GUCY1A2: variants seen among roughly 807,000 people sequenced by gnomAD.
GUCY1A2 encodes guanylate cyclase 1 soluble subunit alpha 2.
In GUCY1A2, 27 loss-of-function variants were observed where a neutral mutation model predicts 63.5. The observed-to-expected ratio is 0.43, with a 90% CI of 0.31 to 0.59. The LOEUF is 0.59. GUCY1A2 is among the 20% of genes least tolerant of loss of function. The pLI is 0.11. For synonymous variants in GUCY1A2, 364 were observed against 343.5 expected, an observed-to-expected ratio of 1.06 and a Z score of -0.66; for missense variants, 768 against 913.3, an observed-to-expected ratio of 0.84 and a Z score of 2.05.
chr11:106,733,989 C>T (rs1457860557), intron 6 of GUCY1A2, among the ~76,000 whole-genome samples: 2 of 152,118 alleles, frequency 1.3e-5, no homozygotes, highest in Non-Finnish European at 2.9e-5. Flanking sequence ...TGGTTAGTCA[C>T]AGTGTATGAC....
At chr11:106,961,575 A>G (rs1367465636) in intron 3 of GUCY1A2, among the ~76,000 whole-genome samples, 2 of 152,240 alleles carry the variant, frequency 1.3e-5, no homozygotes, top group Non-Finnish European at 2.9e-5. Context: ...AAAAGATATT[A>G]CAAAGCTATA....
At chr11:106,902,232 G>T (rs940602411) in intron 4 of GUCY1A2, among the ~76,000 whole-genome samples, 2 of 152,158 alleles carry the variant, frequency 1.3e-5, no homozygotes, top group African/African-American at 4.8e-5. Context: ...TTACTGAGCG[G>T]TAAGTCTTAA....
intron 1 of GUCY1A2, among the ~76,000 whole-genome samples, chr11:107,008,254 G>C (rs764544828): frequency 3.3e-4 from 48 of 144,846 alleles, no homozygotes; most frequent in Non-Finnish European, 6.8e-4. Context: ...ACTCCAGCTT[G>C]GGCGACAGAG....
chr11:106,755,442 G>T (rs1168501370), intron 6 of GUCY1A2, among the ~76,000 whole-genome samples: 2 of 152,024 alleles, frequency 1.3e-5, no homozygotes, highest in East Asian at 1.9e-4. Context: ...TGATGTTAGG[G>T]TGTCGATTTT....
At chr11:106,857,841 T>G (rs1859458454) in intron 4 of GUCY1A2, among the ~76,000 whole-genome samples, 1 of 152,230 alleles carries the variant, frequency 6.6e-6, no homozygotes, top group South Asian at 2.1e-4. Context: ...CACGAGGATA[T>G]GCATATGTTA....
At chr11:106,838,893 T>C (rs1367050175) in intron 4 of GUCY1A2, among the ~76,000 whole-genome samples, 6 of 151,998 alleles carry the variant, frequency 3.9e-5, no homozygotes, top group Non-Finnish European at 7.4e-5. Flanking sequence ...GTCAGATGAG[T>C]AGATTGCAAA....
At chr11:106,752,451 G>A (rs1287408476) in intron 6 of GUCY1A2, among the ~76,000 whole-genome samples, 1 of 152,066 alleles carries the variant, frequency 6.6e-6, no homozygotes, top group African/African-American at 2.4e-5. Flanking sequence ...TGCCATGTTG[G>A]TGTGCTGCAC....
At chr11:106,746,469 T>G (rs1171168519) in intron 6 of GUCY1A2, 3 of 697,788 alleles carry the variant, frequency 4.3e-6, no homozygotes, top group Non-Finnish European at 7.4e-6. Context: ...TGAATAAGGA[T>G]TATACTCAAG....
intron 5 of GUCY1A2, among the ~76,000 whole-genome samples, chr11:106,780,787 G>A (rs79225997): frequency 6.6e-6 from 1 of 152,092 alleles, no homozygotes; most frequent in Non-Finnish European, 1.5e-5. Context: ...ATTAAGTAAA[G>A]TGTATGTAAT....
intron 5 of GUCY1A2, among the ~76,000 whole-genome samples, chr11:106,803,657 A>G (rs1858641108): frequency 6.6e-6 from 1 of 152,206 alleles, no homozygotes; most frequent in African/African-American, 2.4e-5. Flanking sequence ...CTTTACATAA[A>G]TCTCATTTAA....
Position 106,676,072 on chromosome 11 carries a change from C to T in GUCY1A2, c.*11477G>A, listed in dbSNP as rs954909186. On this transcript the variant is annotated 3_prime_UTR_variant, in exon 8 of 8. Coordinates refer to ENST00000526355, the MANE Select transcript of GUCY1A2 (RefSeq NM_000855.3). ...CTGTATAATTTTCTATTAACACAAA[C>T]TTATGTCATGAAGATAATTAAGTGG... The T allele has an allele frequency of 5.5e-6, 1 of 182,894 alleles. No individual in the cohort carries two copies. Among genetic ancestry groups the T allele is most frequent in the Non-Finnish European group, 1.2e-5 (1 of 85,936 alleles). 11.3% of individuals were successfully genotyped at this position (182,894 alleles called of 1,614,324 possible). A position where few individuals can be genotyped will look rare whatever the true frequency, so the allele number is the denominator to read the frequency against.
chr11:106,721,495 C>T (rs1164755783), intron 6 of GUCY1A2, among the ~76,000 whole-genome samples: 1 of 152,076 alleles, frequency 6.6e-6, no homozygotes, highest in Non-Finnish European at 1.5e-5. Context: ...GTCAACCAAC[C>T]GATAACAAAG....
At chr11:106,826,716 C>T (rs1858975566) in intron 4 of GUCY1A2, 3 of 1,610,334 alleles carry the variant, frequency 1.9e-6, no homozygotes, top group Non-Finnish European at 2.5e-6. Flanking sequence ...CTCCTGAACT[C>T]GCTGCAGCCA....
At chr11:106,826,465 T>C (rs1199574706) in intron 4 of GUCY1A2, 14 of 1,588,682 alleles carry the variant, frequency 8.8e-6, no homozygotes, top group Admixed American at 6.7e-5. Flanking sequence ...ATTCATTTGG[T>C]TTAAGATTAG....
Position 106,763,706 on chromosome 11 carries a change from C to A in GUCY1A2, c.1836+12733G>T, listed in dbSNP as rs7950179. ...TTGACTTGAGAGCCAAGAAAAAAAG[C>A]AGATTAGTATTTGGCACTCATGCAG... is the stretch of plus-strand genomic sequence containing the variant. On this transcript the variant is annotated intron_variant, in intron 6 of 7. Transcript: ENST00000526355. Among the ~76,000 whole-genome samples, 955 of 152,150 alleles carry A rather than the reference C, an allele frequency of 6.3e-3. 15 individuals are homozygous for A. Among genetic ancestry groups the A allele is most frequent in the African/African-American group, 0.021 (879 of 41,534 alleles).
chr11:106,878,045 T>C (rs1383331465), intron 4 of GUCY1A2, among the ~76,000 whole-genome samples: 2 of 151,928 alleles, frequency 1.3e-5, no homozygotes, highest in East Asian at 1.9e-4. Flanking sequence ...AAATTACTGA[T>C]CATTAAAGAA....
intron 1 of GUCY1A2, among the ~76,000 whole-genome samples, chr11:107,005,230 T>C (rs779798743): frequency 1.7e-4 from 26 of 152,178 alleles, no homozygotes; most frequent in Non-Finnish European, 2.9e-4. Context: ...GGGCAGACAA[T>C]AGCTGCTGTG....
intron 4 of GUCY1A2, among the ~76,000 whole-genome samples, chr11:106,909,353 A>ATGTGTGTG (rs1565328453): frequency 3.6e-5 from 1 of 27,818 alleles, no homozygotes; most frequent in Admixed American, 4.0e-4. Flanking sequence ...GGTGGTACTC[A>ATGTGTGTG]TCTGTGTGTG....
chr11:106,890,443 T>C (rs1271971913), intron 4 of GUCY1A2, among the ~76,000 whole-genome samples: 1 of 152,208 alleles, frequency 6.6e-6, no homozygotes, highest in African/African-American at 2.4e-5. Context: ...TGACTGACTT[T>C]ACTTCTTCCA....
Sources: gnomAD v4.1 joint callset for allele counts (sites outside exome capture counted in the v4.1 genomes callset) on GRCh38, gnomAD v4.1.1 for gene constraint, MANE v1.5 for transcripts, NCBI Gene and HGNC (gene_info 2026-07-23, HGNC 2026-07-21) for gene names.